DEF6: variants seen among roughly 807,000 people sequenced by gnomAD.
DEF6 encodes differentially expressed in FDCP 6 homolog.
A neutral mutation model predicts 80.5 loss-of-function variants in DEF6; 32 were observed. The observed-to-expected ratio is 0.40, with a 90% CI of 0.30 to 0.53. DEF6 has a LOEUF of 0.53. Ranked by LOEUF, DEF6 falls within the 20% of genes least tolerant of loss-of-function variation. The pLI, the probability that DEF6 is intolerant of heterozygous loss-of-function variation, is 0.57. For missense variants in DEF6, 575 were observed against 818.7 expected (o/e 0.70, Z 3.63); for synonymous variants, 300 against 337.9 (o/e 0.89, Z 1.23).
chr6:35,320,664 T>C (rs1244480747), intron 9 of DEF6, among the ~76,000 whole-genome samples: 2 of 152,258 alleles, frequency 1.3e-5, no homozygotes, highest in African/African-American at 2.4e-5. Context: ...ACTATTATTA[T>C]GGTTACATTT....
Position 35,312,249 on chromosome 6 carries a change from G to A in DEF6, c.424-53G>A, listed in dbSNP as rs749510282. The A allele has an allele frequency of 6.6e-7, 1 of 1,514,372 alleles. No individual in the cohort carries two copies. The highest frequency in any genetic ancestry group is 9.1e-7 in the Non-Finnish European group (1 of 1,096,664). 93.8% of individuals were successfully genotyped at this position (1,514,372 alleles called of 1,614,324 possible). The stretch of plus-strand genomic sequence containing the variant: ...CCAGATAGAGCACTCCCTGGTGTTG[G>A]TGCTGGCAACACCACCTGCTGCAGC... On this transcript the variant is annotated intron_variant, in intron 3 of 10. Transcript: ENST00000316637. This position sits in a 1 kb window ranked among gnomAD's most constrained non-coding sequence, Gnocchi z 6.6.
rs904385050 is a variant in DEF6 at position 35,308,224 on chromosome 6, A to G, written c.97-1446A>G. Among the ~76,000 whole-genome samples, 83 of 152,290 alleles carry G rather than the reference A, an allele frequency of 5.5e-4. 1 individual carries two copies. The highest frequency in any genetic ancestry group is 1.9e-3 in the African/African-American group (79 of 41,552). On this transcript the variant is annotated intron_variant, in intron 1 of 10. Transcript: ENST00000316637. ...GCGTATATAGGTGATTGTGAAGACT[A>G]GAAATGGGGTATAAAAAGCGCTTTG...
intron 1 of DEF6, among the ~76,000 whole-genome samples, chr6:35,303,079 A>G: frequency 6.6e-6 from 1 of 151,920 alleles, no homozygotes; most frequent in East Asian, 1.9e-4. Flanking sequence ...TACCGCACCC[A>G]GGCACAGGAA....
chr6:35,308,096 C>G (rs941759646), intron 1 of DEF6, among the ~76,000 whole-genome samples: 1 of 152,204 alleles, frequency 6.6e-6, no homozygotes, highest in Admixed American at 6.5e-5. Context: ...AGGAAGGCAA[C>G]CTGTGAACCA....
At chr6:35,305,842 G>C (rs1791382477) in intron 1 of DEF6, among the ~76,000 whole-genome samples, 1 of 152,046 alleles carries the variant, frequency 6.6e-6, no homozygotes, top group Non-Finnish European at 1.5e-5. Context: ...CAAAGTGCTG[G>C]GATTACAGGT....
Position 35,305,784 on chromosome 6 carries a change from G to A in DEF6, c.97-3886G>A, listed in dbSNP as rs141130867. Among the ~76,000 whole-genome samples the A allele has an allele frequency of 7.6e-4, 116 of 152,326 alleles. 1 individual carries two copies. The highest frequency in any genetic ancestry group is 3.4e-3 in the Middle Eastern group (1 of 294). On this transcript the variant is annotated intron_variant, in intron 1 of 10. Coordinates refer to ENST00000316637, the MANE Select transcript of DEF6 (RefSeq NM_022047.4). ...GATGAGGTTTCGCCATGCTGGCCAG[G>A]CTGGTGTTGAACTCCTGACCTCAAG... is the stretch of plus-strand genomic sequence containing the variant.
intron 9 of DEF6, 88 bp downstream of exon 9, chr6:35,320,105 C>T: frequency 7.4e-7 from 1 of 1,349,084 alleles, no homozygotes; most frequent in Non-Finnish European, 1.0e-6. Flanking sequence ...TCCCTCAAAC[C>T]CTGGCCCTAG....
intron 9 of DEF6, among the ~76,000 whole-genome samples, chr6:35,320,257 A>G (rs745486501): frequency 1.4e-4 from 22 of 152,186 alleles, no homozygotes; most frequent in Non-Finnish European, 3.2e-4. Flanking sequence ...CTGAAGAAAC[A>G]TTTGCTGCTA....
rs1327984291 is a variant in DEF6 at position 35,312,465 on chromosome 6, G to T, written c.587G>T (p.Gly196Val). Residue 196 changes from glycine (G) to valine (V), a missense_variant, in exon 4 of 11, where the codon GGC (glycine) becomes GTC (valine). Physicochemically the swap from Gly to Val is moderately radical, Grantham distance 109. Transcript: ENST00000316637. This position sits in a 1 kb window ranked among gnomAD's most constrained non-coding sequence, Gnocchi z 6.6. ...TTCAATTCGGGCCGCTGCCTGCGGGGCGTGGGCCGGGACACCCTCAGCATG... is the reference window on the plus strand; with the variant it reads ...TTCAATTCGGGCCGCTGCCTGCGGGTCGTGGGCCGGGACACCCTCAGCATG... Reference protein sequence around the residue: ...ELFNSGRCLRGVGRDTLSMAI... With the variant: ...ELFNSGRCLRVVGRDTLSMAI... The T allele has an allele frequency of 3.7e-6, 6 of 1,614,064 alleles. No homozygotes were observed. The African/African-American group carries it at 8.0e-5, about 22-fold the overall frequency.
In DEF6 at chr6:35,309,661, C is replaced by G; in HGVS notation, c.97-9C>G. 1 of 1,613,132 alleles carries G rather than the reference C, an allele frequency of 6.2e-7. No individual in the cohort carries two copies. Among genetic ancestry groups the G allele is most frequent in the Non-Finnish European group, 8.5e-7 (1 of 1,179,442 alleles). ...CAGAAAGACACACTGCCACTCTACTCTATCCCAGGTGCTGTCCCACAACCT... is the reference window on the plus strand; with the variant it reads ...CAGAAAGACACACTGCCACTCTACTGTATCCCAGGTGCTGTCCCACAACCT... On this transcript the variant is annotated splice_polypyrimidine_tract_variant and intron_variant, in intron 1 of 10. Transcript: ENST00000316637.
In DEF6 at chr6:35,299,680, T is replaced by C. The variant is rs755491555; in HGVS notation, c.96+1728T>C. On this transcript the variant is annotated intron_variant, in intron 1 of 10. Transcript: ENST00000316637. ...TCATCACAGCTCATATTGAACCTAC[T>C]GCCAGCAACATCTCTGGTCACACAG... 1.3e-5 allele frequency among the ~76,000 whole-genome samples: 2 copies of C among 152,336 alleles called. 1 individual carries two copies. Among genetic ancestry groups the C allele is most frequent in the South Asian group, 4.1e-4 (2 of 4,826 alleles).
At position 35,318,314 on chromosome 6, in the gene DEF6, T is replaced by C. The variant is rs1171197715; in HGVS notation, c.1058T>C (p.Leu353Pro). Residue 353 changes from leucine to proline, a missense_variant, in exon 7 of 11, where the codon CTG becomes CCG. Transcript: ENST00000316637. The surrounding 1 kb of genome is among the most constrained non-coding windows in gnomAD (Gnocchi z 5.1). Reference protein sequence around the residue: ...KEEELLRLQQLQEEKERKLQE... With the variant: ...KEEELLRLQQPQEEKERKLQE... ...GAGGAGCTGCTGCGGCTGCAGCAGCTGCAGGAGGAGAAGGAGCGGAAGCTG... is the reference window on the plus strand; with the variant it reads ...GAGGAGCTGCTGCGGCTGCAGCAGCCGCAGGAGGAGAAGGAGCGGAAGCTG... 1 of 1,549,882 alleles carries C rather than the reference T, an allele frequency of 6.5e-7. No homozygotes were observed. The highest frequency in any genetic ancestry group is 8.7e-7 in the Non-Finnish European group (1 of 1,148,448).
chr6:35,304,942 G>T (rs1470992674), intron 1 of DEF6, among the ~76,000 whole-genome samples: 1 of 150,590 alleles, frequency 6.6e-6, no homozygotes, highest in African/African-American at 2.4e-5. Flanking sequence ...ACACACAGAA[G>T]AATATAATGT....
rs150278765 is a variant in DEF6, at chr6:35,318,556, A to C, written c.1215+85A>C. The C allele has an allele frequency of 0.011, 14,652 of 1,282,588 alleles. 167 individuals carry two copies. Among genetic ancestry groups the C allele is most frequent in the African/African-American group, 0.052 (3,294 of 63,388 alleles). 79.5% of individuals were successfully genotyped at this position (1,282,588 alleles called of 1,614,324 possible). A position where few individuals can be genotyped will look rare whatever the true frequency, so the allele number is the denominator to read the frequency against. ...GGAGCGCCGGGGGCGGGGCCTGGGC[A>C]GAGGGCGGAGCTCCTGGGTTGAGGG... On this transcript the variant is annotated intron_variant, in intron 7 of 10. Transcript: ENST00000316637. The surrounding 1 kb of genome is among the most constrained non-coding windows in gnomAD (Gnocchi z 5.1).
rs528234654 is a variant in DEF6, at chr6:35,319,746, A to G, written c.1382+56A>G. The G allele has an allele frequency of 9.9e-6, 16 of 1,610,528 alleles. No homozygotes were observed. In the African/African-American group the frequency reaches 1.5e-4, roughly 15 times the overall value. ...CACCACCCCTCCTGGAACACACCCC[A>G]GTTTTCCTGCTTGCTGTGCACCTGC... On this transcript the variant is annotated intron_variant, in intron 8 of 10. Coordinates refer to ENST00000316637, the MANE Select transcript of DEF6 (RefSeq NM_022047.4). The surrounding 1 kb of genome is among the most constrained non-coding windows in gnomAD (Gnocchi z 4.5).
chr6:35,306,436 G>A (rs1239658449), intron 1 of DEF6, among the ~76,000 whole-genome samples: 2 of 151,608 alleles, frequency 1.3e-5, no homozygotes, highest in Non-Finnish European at 2.9e-5. Context: ...ACCTGAACCC[G>A]AGAGGCAGAG....
chr6:35,303,417 A>C (rs1465399341), intron 1 of DEF6, among the ~76,000 whole-genome samples: 1 of 152,170 alleles, frequency 6.6e-6, no homozygotes, highest in Non-Finnish European at 1.5e-5. Context: ...GGATTTAGTC[A>C]ATCTCTGTCT....
intron 5 of DEF6, among the ~76,000 whole-genome samples, chr6:35,314,501 T>C (rs544612228): frequency 6.6e-5 from 10 of 152,304 alleles, no homozygotes; most frequent in Non-Finnish European, 1.3e-4. Context: ...TTTGATTTGC[T>C]TTTCTCTGAT....
intron 1 of DEF6, among the ~76,000 whole-genome samples, chr6:35,304,753 C>T (rs1346952673): frequency 6.6e-6 from 1 of 151,958 alleles, no homozygotes; most frequent in African/African-American, 2.4e-5. Flanking sequence ...GTCATTGCTG[C>T]CCTCAAGGAA....
Sources: allele counts gnomAD v4.1 joint callset (sites outside exome capture counted in the v4.1 genomes callset), GRCh38; gene constraint gnomAD v4.1.1; non-coding constraint Gnocchi (gnomAD v3.1); transcripts MANE v1.5; gene names NCBI Gene and HGNC (gene_info 2026-07-23, HGNC 2026-07-21).